ERGIC1: variants seen among roughly 807,000 people sequenced by gnomAD.
The protein encoded by ERGIC1 is endoplasmic reticulum-Golgi intermediate compartment protein 1.
ERGIC1 carries 19 observed loss-of-function variants against 38.3 expected under a neutral mutation model. The observed-to-expected ratio is 0.50, with a 90% CI of 0.35 to 0.73. The LOEUF is 0.73. Ranked by LOEUF, ERGIC1 falls within the 30% of genes least tolerant of loss-of-function variation. ERGIC1 has a pLI of 0.01. For missense variants in ERGIC1, 294 were observed against 389.2 expected, an observed-to-expected ratio of 0.76 and a Z score of 2.06; for synonymous variants, 124 against 157.6, an observed-to-expected ratio of 0.79 and a Z score of 1.60.
At chr5:172,941,856 T>C (rs1451934309) in intron 9 of ERGIC1, among the ~76,000 whole-genome samples, 1 of 152,178 alleles carries the variant, frequency 6.6e-6, no homozygotes, top group East Asian at 1.9e-4. Flanking sequence ...CTGCAAACAT[T>C]TGCCAGAAAC....
chr5:172,848,032 A>C (rs1761320255), intron 1 of ERGIC1, among the ~76,000 whole-genome samples: 2 of 152,232 alleles, frequency 1.3e-5, no homozygotes, highest in Admixed American at 6.5e-5. Flanking sequence ...AGCAAGTGCT[A>C]GAGAGAGGAG....
chr5:172,918,983 G>A (rs732677), intron 5 of ERGIC1, among the ~76,000 whole-genome samples: 8,746 of 151,336 alleles, frequency 0.058, 350 homozygotes, highest in Non-Finnish European at 0.086. Context: ...CCTCCTCCTT[G>A]ACTTGGCCTC....
chr5:172,836,509 A>G (rs1044752713), intron 1 of ERGIC1, among the ~76,000 whole-genome samples: 1 of 152,158 alleles, frequency 6.6e-6, no homozygotes, highest in African/African-American at 2.4e-5. Flanking sequence ...TGCACCTTGG[A>G]GGATGAGCCA....
intron 1 of ERGIC1, among the ~76,000 whole-genome samples, chr5:172,852,856 T>G (rs1741220457): frequency 6.6e-6 from 1 of 152,260 alleles, no homozygotes; most frequent in Non-Finnish European, 1.5e-5. Context: ...CTGTTTGGTT[T>G]GCACAGGCAT....
At chr5:172,941,973 G>A (rs551530138) in intron 9 of ERGIC1, among the ~76,000 whole-genome samples, 34 of 152,264 alleles carry the variant, frequency 2.2e-4, no homozygotes, top group African/African-American at 7.0e-4. Context: ...TTGGGAGGCC[G>A]AGGTGGGCGG....
At chr5:172,905,889 C>G (rs758539610) in intron 3 of ERGIC1, among the ~76,000 whole-genome samples, 1 of 152,190 alleles carries the variant, frequency 6.6e-6, no homozygotes, top group Non-Finnish European at 1.5e-5. Context: ...TGCTCTCAGG[C>G]GATAGCTGAT....
chr5:172,850,942 G>A (rs1761387760), intron 1 of ERGIC1, among the ~76,000 whole-genome samples: 1 of 152,094 alleles, frequency 6.6e-6, no homozygotes, highest in Non-Finnish European at 1.5e-5. Flanking sequence ...GCTCACACTT[G>A]TAATCCCAGC....
chr5:172,840,167 G>T (rs996836904), intron 1 of ERGIC1, among the ~76,000 whole-genome samples: 1 of 152,044 alleles, frequency 6.6e-6, no homozygotes, highest in Non-Finnish European at 1.5e-5. Context: ...GCTGACCAGT[G>T]GGGGTTTTCC....
intron 5 of ERGIC1, 143 bp from the exon 6 acceptor site, chr5:172,923,862 C>T: frequency 1.4e-6 from 1 of 729,218 alleles, no homozygotes; most frequent in Non-Finnish European, 2.4e-6. Context: ...GACTCCTTTG[C>T]ACAGTTGAAA....
intron 1 of ERGIC1, among the ~76,000 whole-genome samples, chr5:172,848,454 C>G: frequency 6.6e-6 from 1 of 152,218 alleles, no homozygotes; most frequent in Non-Finnish European, 1.5e-5. Flanking sequence ...CAGACTGCCT[C>G]TTCAACCTAA....
At chr5:172,905,538 A>G (rs1159398156) in intron 3 of ERGIC1, 1 of 439,100 alleles carries the variant, frequency 2.3e-6, no homozygotes, top group Non-Finnish European at 4.7e-6. Context: ...CCCAGCGACT[A>G]GTGTGCAGCT....
intron 9 of ERGIC1, among the ~76,000 whole-genome samples, chr5:172,942,369 C>T (rs369854911): frequency 2.0e-5 from 3 of 152,138 alleles, no homozygotes; most frequent in East Asian, 3.9e-4. Context: ...TCTCTGCCCC[C>T]GCTACCCTGC....
At chr5:172,920,479 G>T in intron 5 of ERGIC1, 1 of 717,548 alleles carries the variant, frequency 1.4e-6, no homozygotes, top group Non-Finnish European at 2.6e-6. Context: ...AGGAGGACAG[G>T]ATGGGGTGAG....
intron 3 of ERGIC1, chr5:172,905,254 C>G (rs951779457): frequency 3.5e-6 from 1 of 284,066 alleles, no homozygotes; most frequent in African/African-American, 2.2e-5. Context: ...CCCAGGCTCT[C>G]CTTAGTTGAC....
chr5:172,946,377 C>T (rs1428966404), intron 9 of ERGIC1, among the ~76,000 whole-genome samples: 2 of 152,238 alleles, frequency 1.3e-5, no homozygotes, highest in Non-Finnish European at 2.9e-5. Flanking sequence ...GCCAGCGGCA[C>T]CCCTGCCCTC....
intron 3 of ERGIC1, chr5:172,905,191 G>A (rs544570293): frequency 4.1e-6 from 1 of 245,880 alleles, no homozygotes; most frequent in South Asian, 4.5e-5. Flanking sequence ...AGGTGGGAAA[G>A]GTGAGTTGCT....
In ERGIC1 at chr5:172,891,112, G is replaced by A. The variant is rs117867897; in HGVS notation, c.82+2352G>A. Among the ~76,000 whole-genome samples, 23 of 152,352 alleles carry A rather than the reference G, an allele frequency of 1.5e-4. No individual in the cohort carries two copies. The East Asian group carries it at 3.7e-3, about 24-fold the overall frequency. On this transcript the variant is annotated intron_variant, in intron 2 of 9. Coordinates refer to ENST00000393784, the MANE Select transcript of ERGIC1 (RefSeq NM_001031711.3). Reference sequence around the variant, plus strand: ...CCGGGATGTGTCTTGTGCAGGGCACGTACTAACCCCTCAGTGCATGGATGA... The same window carrying A: ...CCGGGATGTGTCTTGTGCAGGGCACATACTAACCCCTCAGTGCATGGATGA...
In ERGIC1 at chr5:172,896,878, G is replaced by A. The variant is rs1300542260; in HGVS notation, c.83-124G>A. On this transcript the variant is annotated intron_variant, in intron 2 of 9. Transcript: ENST00000393784. ...TGAGGCTCGAGTCAGAAGGGGCTCTGGAGGGTCTGTGGGCACAGCCCCACA... is the reference window on the plus strand; with the variant it reads ...TGAGGCTCGAGTCAGAAGGGGCTCTAGAGGGTCTGTGGGCACAGCCCCACA... 4.8e-6 allele frequency: 4 copies of A among 833,620 alleles called. No individual in the cohort carries two copies. In the East Asian group the frequency reaches 1.0e-4, roughly 21 times the overall value. The allele number at this position is 833,620 out of a possible 1,614,324, so 51.6% of individuals were successfully genotyped here.
intron 3 of ERGIC1, among the ~76,000 whole-genome samples, chr5:172,897,336 G>A (rs1440975071): frequency 2.6e-5 from 4 of 151,802 alleles, no homozygotes; most frequent in Non-Finnish European, 5.9e-5. Flanking sequence ...GGCTGAGGCA[G>A]GAGAATTGCT....
Sources: gnomAD v4.1 joint callset for allele counts (sites outside exome capture counted in the v4.1 genomes callset) on GRCh38, gnomAD v4.1.1 for gene constraint, MANE v1.5 for transcripts, NCBI Gene and HGNC (gene_info 2026-07-23, HGNC 2026-07-21) for gene names.